LRRC37A2: variants seen among roughly 807,000 people sequenced by gnomAD.
LRRC37A2 encodes leucine-rich repeat-containing protein 37A2.
In LRRC37A2, 9 loss-of-function variants were observed where a neutral mutation model predicts 68.8. The observed-to-expected ratio is 0.13, with a 90% CI of 0.08 to 0.23. The LOEUF is 0.23. Ranked by LOEUF, LRRC37A2 falls within the 10% of genes least tolerant of loss-of-function variation. LRRC37A2 has a pLI of 1.00. For synonymous variants in LRRC37A2, 63 were observed against 367.6 expected (o/e 0.17, Z 9.48); for missense variants, 168 against 950.4 (o/e 0.18, Z 10.82).
the LRRC37A2 span, among the ~76,000 whole-genome samples, chr17:46,716,989 T>C: frequency 1.3e-5 from 2 of 152,196 alleles, no homozygotes; most frequent in Non-Finnish European, 2.9e-5. Flanking sequence ...TTAGGTTGTT[T>C]CCAGGTTTTT....
At chr17:46,919,747 G>C in the LRRC37A2 span, among the ~76,000 whole-genome samples, 1 of 152,230 alleles carries the variant, frequency 6.6e-6, no homozygotes, top group African/African-American at 2.4e-5. Flanking sequence ...GGGAGTTCGA[G>C]ACCAGCCTGA....
the LRRC37A2 span, among the ~76,000 whole-genome samples, chr17:46,766,147 G>A: frequency 2.6e-5 from 4 of 152,196 alleles, no homozygotes; most frequent in African/African-American, 9.6e-5. Flanking sequence ...GGTGGCTCAC[G>A]CCTGTAATCC....
the LRRC37A2 span, among the ~76,000 whole-genome samples, chr17:46,761,385 A>AC: frequency 5.4e-5 from 8 of 147,734 alleles, no homozygotes; most frequent in Non-Finnish European, 1.2e-4. Flanking sequence ...AGGCTGGAGT[A>AC]CAGTGGTGCG....
the LRRC37A2 span, among the ~76,000 whole-genome samples, chr17:46,714,941 CT>C: frequency 7.2e-5 from 11 of 152,120 alleles, no homozygotes; most frequent in Non-Finnish European, 1.2e-4. Context: ...TAGGCATTCG[CT>C]TTATAAAGAT....
the LRRC37A2 span, among the ~76,000 whole-genome samples, chr17:46,605,351 G>A: frequency 8.9e-6 from 1 of 112,864 alleles, no homozygotes; most frequent in African/African-American, 3.4e-5. Context: ...AGGAGGCTGA[G>A]GCAGGAGAAT....
the LRRC37A2 span, among the ~76,000 whole-genome samples, chr17:46,960,970 T>A: frequency 6.6e-6 from 1 of 151,970 alleles, no homozygotes; most frequent in Admixed American, 6.6e-5. Context: ...AAAAAGTAAA[T>A]TTTACCCTAA....
the LRRC37A2 span, among the ~76,000 whole-genome samples, chr17:47,016,350 G>A: frequency 6.6e-6 from 1 of 150,424 alleles, no homozygotes; most frequent in Non-Finnish European, 1.5e-5. Flanking sequence ...ATGCCAGACA[G>A]TAATAAAATA....
the LRRC37A2 span, among the ~76,000 whole-genome samples, chr17:46,980,964 A>G: frequency 3.9e-5 from 6 of 152,224 alleles, no homozygotes; most frequent in Non-Finnish European, 7.3e-5. Context: ...CACCCCCAAC[A>G]TTGTTATCAT....
chr17:46,787,450 G>A, the LRRC37A2 span, among the ~76,000 whole-genome samples: 22 of 152,142 alleles, frequency 1.4e-4, no homozygotes, highest in Non-Finnish European at 2.1e-4. Flanking sequence ...CAGCTCCTTG[G>A]GGAAATTAAG....
At chr17:46,979,180 C>T in the LRRC37A2 span, 1 of 666,720 alleles carries the variant, frequency 1.5e-6, no homozygotes, top group Non-Finnish European at 2.2e-6. Flanking sequence ...TACCCCTGGG[C>T]ACCGGGCGGG....
At chr17:47,003,801 A>T in the LRRC37A2 span, among the ~76,000 whole-genome samples, 1 of 151,974 alleles carries the variant, frequency 6.6e-6, no homozygotes, top group Admixed American at 6.6e-5. Flanking sequence ...TATATGTGCC[A>T]TGTTGGTGTG....
the LRRC37A2 span, among the ~76,000 whole-genome samples, chr17:46,878,165 C>G: frequency 2.0e-5 from 3 of 152,254 alleles, no homozygotes; most frequent in African/African-American, 7.2e-5. Flanking sequence ...GGGCCCGATG[C>G]CACCCAGGAG....
the LRRC37A2 span, among the ~76,000 whole-genome samples, chr17:46,806,662 G>A: frequency 6.6e-6 from 1 of 152,242 alleles, no homozygotes; most frequent in African/African-American, 2.4e-5. Flanking sequence ...AGTTAAGATG[G>A]AGAACCACCC....
At chr17:46,979,011 C>T in the LRRC37A2 span, 12 of 1,400,800 alleles carry the variant, frequency 8.6e-6, no homozygotes, top group Non-Finnish European at 9.2e-6. Context: ...CGTTCATCGC[C>T]GCGCGGCGCC....
At chr17:46,976,217 C>T in the LRRC37A2 span, among the ~76,000 whole-genome samples, 4 of 150,702 alleles carry the variant, frequency 2.7e-5, no homozygotes, top group Non-Finnish European at 4.4e-5. Flanking sequence ...TGAGCCACCA[C>T]GCCTGGCGAT....
At chr17:46,967,826 G>C in the LRRC37A2 span, among the ~76,000 whole-genome samples, 1 of 152,112 alleles carries the variant, frequency 6.6e-6, no homozygotes, top group Admixed American at 6.5e-5. Context: ...AAGATAAAGA[G>C]GGGGGTAGGG....
chr17:46,894,977 C>G, the LRRC37A2 span, among the ~76,000 whole-genome samples: 1 of 152,180 alleles, frequency 6.6e-6, no homozygotes, highest in Non-Finnish European at 1.5e-5. Context: ...GGGACGTGCT[C>G]GCCTGTCCGC....
At chr17:46,525,373 A>AG in intron 6 of LRRC37A2, among the ~76,000 whole-genome samples, 1 of 104,470 alleles carries the variant, frequency 9.6e-6, no homozygotes, top group East Asian at 2.6e-4. Context: ...GGATCACCTG[A>AG]GGTCAGGAGT....
chr17:46,824,300 A>G, the LRRC37A2 span, among the ~76,000 whole-genome samples: 19 of 152,280 alleles, frequency 1.2e-4, no homozygotes, highest in South Asian at 2.9e-3. Flanking sequence ...TCAGGCTGGC[A>G]TGCAGTGGTG....
Sources: gnomAD v4.1 joint callset for allele counts (sites outside exome capture counted in the v4.1 genomes callset) on GRCh38, gnomAD v4.1.1 for gene constraint, MANE v1.5 for transcripts, NCBI Gene and HGNC (gene_info 2026-07-23, HGNC 2026-07-21) for gene names.